PNPLA3: variants seen among roughly 807,000 people sequenced by gnomAD.
PNPLA3 encodes patatin like domain 3, 1-acylglycerol-3-phosphate O-acyltransferase, also known as 1-acylglycerol-3-phosphate O-acyltransferase PNPLA3.
A neutral mutation model predicts 43.1 loss-of-function variants in PNPLA3; 42 were observed. The observed-to-expected ratio is 0.97, with a 90% CI of 0.76 to 1.26. PNPLA3 has a LOEUF of 1.26. PNPLA3 is among the 50% of genes most tolerant of loss of function. The pLI, the probability that PNPLA3 is intolerant of heterozygous loss-of-function variation, is 0.00. For synonymous variants in PNPLA3, 272 were observed against 253.6 expected, an observed-to-expected ratio of 1.07 and a Z score of -0.69; for missense variants, 647 against 621.4, an observed-to-expected ratio of 1.04 and a Z score of -0.44.
intron 2 of PNPLA3, among the ~76,000 whole-genome samples, 176 bp from the exon 3 acceptor site, chr22:43,928,648 C>T (rs1365553612): frequency 7.6e-6 from 1 of 131,846 alleles, no homozygotes; most frequent in East Asian, 2.1e-4. Flanking sequence ...GACCCATGGG[C>T]CTGAAGTCCG....
Position 43,924,090 on chromosome 22 carries a change from T to C in PNPLA3, c.179T>C (p.Ile60Thr). The C allele has an allele frequency of 6.4e-7, 1 of 1,556,950 alleles. No individual in the cohort carries two copies. The highest frequency in any genetic ancestry group is 2.5e-5 in the East Asian group (1 of 39,632). ...ALHCVGVLSGIPLEQTLQVLS... is the reference protein window; with the variant it reads ...ALHCVGVLSGTPLEQTLQVLS... ...CACTGCGTCGGCGTCCTCTCCGGTATCCCGCTGGGTGCGTCTGGGGACGCT... is the reference window on the plus strand; with the variant it reads ...CACTGCGTCGGCGTCCTCTCCGGTACCCCGCTGGGTGCGTCTGGGGACGCT... The change falls in exon 1 of 9, where the codon ATC (isoleucine) becomes ACC (threonine). Residue 60 changes from isoleucine to threonine, a missense_variant. Coordinates refer to ENST00000216180, the MANE Select transcript of PNPLA3 (RefSeq NM_025225.3).
At position 43,928,885 on chromosome 22, in the gene PNPLA3, GC is replaced by G; in HGVS notation, c.483del (p.Val162CysfsTer8). On this transcript the variant is annotated frameshift_variant, in exon 3 of 9. Transcript: ENST00000216180. LOFTEE classifies it high-confidence loss of function. ...GGCCTTATCCCTCCTTCCTTCAGAG[GC>G]GTGGTAAGTCGGCTTTCTCTGCTAG... ...YSGLIPPSFRGVRYVDGGVSD... is the reference protein window; with the variant it reads ...YSGLIPPSFRXVRYVDGGVSD... The G allele has an allele frequency of 6.2e-7, 1 of 1,611,032 alleles. No homozygotes were observed. The highest frequency in any genetic ancestry group is 8.5e-7 in the Non-Finnish European group (1 of 1,177,334).
chr22:43,946,820 G>A lies in PNPLA3; in HGVS notation c.*438G>A. On this transcript the variant is annotated 3_prime_UTR_variant, in exon 9 of 9. Transcript: ENST00000216180. ...TCCCACTTCCCCATGCTGTGGGAAG[G>A]GGTGCAGTTCGTCCCCAAGAACGAC... The A allele has an allele frequency of 2.0e-6, 1 of 492,810 alleles. No individual in the cohort carries two copies. Among genetic ancestry groups the A allele is most frequent in the African/African-American group, 1.9e-5 (1 of 51,506 alleles). 30.5% of individuals were successfully genotyped at this position (492,810 alleles called of 1,614,324 possible).
At chr22:43,938,596 T>C (rs4823176) in intron 6 of PNPLA3, among the ~76,000 whole-genome samples, 30,830 of 152,062 alleles carry the variant, frequency 0.2, 3,605 homozygotes, top group East Asian at 0.39. Flanking sequence ...CCAGATCTCA[T>C]GAGAACACAT....
At chr22:43,931,233 G>A (rs952383878) in intron 3 of PNPLA3, among the ~76,000 whole-genome samples, 5 of 152,168 alleles carry the variant, frequency 3.3e-5, no homozygotes, top group African/African-American at 7.2e-5. Flanking sequence ...GCGCTCATAG[G>A]CATCTTCCTG....
At chr22:43,935,560 A>G (rs1603416627) in intron 5 of PNPLA3, among the ~76,000 whole-genome samples, 2 of 152,246 alleles carry the variant, frequency 1.3e-5, no homozygotes, top group African/African-American at 4.8e-5. Context: ...GTGAATCCAC[A>G]TTAAGACTTT....
At position 43,923,818 on chromosome 22, in the gene PNPLA3, G is replaced by T; in HGVS notation, c.-94G>T. 1 of 1,269,914 alleles carries T rather than the reference G, an allele frequency of 7.9e-7. No homozygotes were observed. Among genetic ancestry groups the T allele is most frequent in the Non-Finnish European group, 1.0e-6 (1 of 971,576 alleles). 78.7% of individuals were successfully genotyped at this position (1,269,914 alleles called of 1,614,324 possible). A position where few individuals can be genotyped will look rare whatever the true frequency, so the allele number is the denominator to read the frequency against. The stretch of plus-strand genomic sequence containing the variant: ...CTGAGGCAGGGTAGAGAGCGCTTGC[G>T]GGCGCCGGGCGGAGCTGCTGCGGAT... On this transcript the variant is annotated 5_prime_UTR_variant, in exon 1 of 9. Coordinates refer to ENST00000216180, the MANE Select transcript of PNPLA3 (RefSeq NM_025225.3).
chr22:43,931,990 C>T (rs1294934838), intron 3 of PNPLA3, among the ~76,000 whole-genome samples: 1 of 152,202 alleles, frequency 6.6e-6, no homozygotes, highest in Non-Finnish European at 1.5e-5. Context: ...AGGCCAAACT[C>T]TGCTCTGAAA....
At chr22:43,931,561 C>T (rs1003715273) in intron 3 of PNPLA3, among the ~76,000 whole-genome samples, 6 of 152,098 alleles carry the variant, frequency 3.9e-5, no homozygotes, top group African/African-American at 1.4e-4. Flanking sequence ...ATCACCTAGG[C>T]CTGGAGTGCA....
At chr22:43,941,148 CAAAAAAAA>C (rs577344067) in intron 7 of PNPLA3, among the ~76,000 whole-genome samples, 1 of 79,928 alleles carries the variant, frequency 1.3e-5, no homozygotes, top group Non-Finnish European at 2.3e-5. Flanking sequence ...AACTCCGACT[CAAAAAAAA>C]AAAAAAAAAA....
At chr22:43,944,890 C>A in intron 8 of PNPLA3, 95 bp downstream of exon 8, 1 of 1,109,278 alleles carries the variant, frequency 9.0e-7, no homozygotes, top group Non-Finnish European at 1.4e-6. Flanking sequence ...GGCTGAACAC[C>A]AAGCAAGGAG....
At chr22:43,940,767 C>T (rs1158289158) in intron 7 of PNPLA3, among the ~76,000 whole-genome samples, 1 of 152,042 alleles carries the variant, frequency 6.6e-6, no homozygotes, top group African/African-American at 2.4e-5. Flanking sequence ...CAAGATTGTA[C>T]CACTGCACTC....
chr22:43,926,852 T>C (rs1208639714), intron 1 of PNPLA3, 83 bp from the exon 2 acceptor site: 1 of 1,173,966 alleles, frequency 8.5e-7, no homozygotes, highest in East Asian at 2.5e-5. Context: ...GGTGGCATCC[T>C]TGCTGTCTGG....
At chr22:43,932,596 T>C (rs561693228) in intron 3 of PNPLA3, among the ~76,000 whole-genome samples, 35 of 152,352 alleles carry the variant, frequency 2.3e-4, no homozygotes, top group Non-Finnish European at 4.0e-4. Context: ...CAACACAACA[T>C]GGACTCCAGT....
chr22:43,930,088 CCAG>C (rs1214742978), intron 3 of PNPLA3, among the ~76,000 whole-genome samples: 1 of 152,140 alleles, frequency 6.6e-6, no homozygotes, highest in African/African-American at 2.4e-5. Context: ...GTATGTAGCA[CCAG>C]CAGAGCCACG....
At chr22:43,944,554 C>T in intron 7 of PNPLA3, 137 bp from the exon 8 acceptor site, 1 of 691,958 alleles carries the variant, frequency 1.4e-6, no homozygotes, top group Admixed American at 2.3e-5. Flanking sequence ...TTGTCCTTGT[C>T]CTAGCATCCC....
At chr22:43,945,518 C>A (rs16991187) in intron 8 of PNPLA3, among the ~76,000 whole-genome samples, 21,507 of 152,180 alleles carry the variant, frequency 0.14, 1,728 homozygotes, top group African/African-American at 0.21. Flanking sequence ...GAGCCCGTAG[C>A]ATGGTACTTG....
At chr22:43,924,126 C>A in intron 1 of PNPLA3, 28 bp downstream of exon 1, 2 of 1,504,828 alleles carry the variant, frequency 1.3e-6, no homozygotes, top group South Asian at 1.3e-5. Context: ...GCCCGGGCTC[C>A]ACGTGCGGAG....
intron 7 of PNPLA3, among the ~76,000 whole-genome samples, chr22:43,941,708 C>T (rs976121253): frequency 6.6e-6 from 1 of 152,126 alleles, no homozygotes; most frequent in Non-Finnish European, 1.5e-5. Flanking sequence ...CTCGACTTCT[C>T]TGAGCCTCAG....
Sources: allele counts gnomAD v4.1 joint callset (sites outside exome capture counted in the v4.1 genomes callset), GRCh38; gene constraint gnomAD v4.1.1; transcripts MANE v1.5; gene names NCBI Gene and HGNC (gene_info 2026-07-23, HGNC 2026-07-21).